The following OTUD7B variants were observed in gnomAD, a reference collection of about 807,000 sequenced individuals.
OTUD7B encodes OTU deubiquitinase 7B.
Under a neutral mutation model 82.2 loss-of-function variants are expected in OTUD7B, and 34 were observed. That is an observed-to-expected ratio of 0.41 (90% CI 0.31 to 0.55). The LOEUF (loss-of-function observed/expected upper bound fraction) is 0.55. Among genes scored for constraint, OTUD7B ranks in the 20% least tolerant of loss-of-function variants. OTUD7B has a pLI of 0.20. For synonymous variants in OTUD7B, 398 were observed against 402.7 expected (o/e 0.99, Z 0.14); for missense variants, 944 against 1,062.1 (o/e 0.89, Z 1.55).
the OTUD7B span, among the ~76,000 whole-genome samples, chr1:150,033,136 C>T: frequency 1.3e-5 from 2 of 152,096 alleles, no homozygotes; most frequent in African/African-American, 4.8e-5. Flanking sequence ...TTCTACATCT[C>T]TTTTCCTAAA....
intron 1 of OTUD7B, among the ~76,000 whole-genome samples, chr1:149,992,807 A>G (rs1651683146): frequency 6.6e-6 from 1 of 152,156 alleles, no homozygotes; most frequent in Non-Finnish European, 1.5e-5. Flanking sequence ...ACATAAAACC[A>G]AGAGAGAAAT....
At chr1:150,028,356 G>C in the OTUD7B span, among the ~76,000 whole-genome samples, 2 of 152,134 alleles carry the variant, frequency 1.3e-5, no homozygotes, top group East Asian at 3.9e-4. Flanking sequence ...CAAATTAAGA[G>C]AAAAGGCAAT....
chr1:150,057,768 T>C, the OTUD7B span, among the ~76,000 whole-genome samples: 1 of 152,234 alleles, frequency 6.6e-6, no homozygotes, highest in Admixed American at 6.5e-5. Context: ...CAGCATTCTG[T>C]TAGGATTTGT....
intron 1 of OTUD7B, among the ~76,000 whole-genome samples, chr1:150,009,604 T>C (rs1336676257): frequency 6.6e-6 from 1 of 152,108 alleles, no homozygotes; most frequent in East Asian, 1.9e-4. Flanking sequence ...ATTCCACCAG[T>C]CAGTTTCTAA....
upstream of OTUD7B, among the ~76,000 whole-genome samples, chr1:150,014,396 C>CAAA (rs149994819): frequency 9.4e-5 from 11 of 116,940 alleles, no homozygotes; most frequent in African/African-American, 2.0e-4. Context: ...GAAAGTGTCT[C>CAAA]AAAAAAAAAA....
the OTUD7B span, among the ~76,000 whole-genome samples, chr1:150,043,224 T>C: frequency 6.6e-6 from 1 of 152,134 alleles, no homozygotes; most frequent in Non-Finnish European, 1.5e-5. Context: ...CACGCTGAAG[T>C]TTGACAACTA....
Position 149,944,821 on chromosome 1 carries a change from C to T in OTUD7B, c.1568G>A (p.Gly523Asp), listed in dbSNP as rs1392745300. 1.2e-6 allele frequency: 2 copies of T among 1,614,132 alleles called. No individual in the cohort carries two copies. The highest frequency in any genetic ancestry group is 1.7e-6 in the Non-Finnish European group (2 of 1,180,026). Residue 523 changes from glycine (G) to aspartate (D), a missense_variant, in exon 12 of 12, where the codon GGC becomes GAC. Gly to Asp is a moderately conservative substitution (Grantham distance 94). This residue lies in a region of OTUD7B where 412 missense variants were observed against 418.7 expected (regional missense o/e 0.98). Coordinates refer to ENST00000581312, the MANE Select transcript of OTUD7B (RefSeq NM_020205.4). The stretch of plus-strand genomic sequence containing the variant: ...CTTTGAACCCTTGCTGTGCATCAGG[C>T]CCCCCATGTTCTTCTTGAGCTTGCT... ...LGSKLKKNMGGLMHSKGSKPG... is the reference protein window; with the variant it reads ...LGSKLKKNMGDLMHSKGSKPG...
At chr1:150,011,047 A>G (rs782351653), upstream of OTUD7B, among the ~76,000 whole-genome samples, 4 of 152,202 alleles carry the variant, frequency 2.6e-5, no homozygotes, top group African/African-American at 4.8e-5. Context: ...GTAGTTGTAG[A>G]AAGGTGAGAG....
At chr1:149,997,139 T>A (rs1171965721) in intron 1 of OTUD7B, among the ~76,000 whole-genome samples, 1 of 152,198 alleles carries the variant, frequency 6.6e-6, no homozygotes, top group African/African-American at 2.4e-5. Context: ...ATAACAAGTG[T>A]TAGCTGATTC....
chr1:149,949,807 A>G, intron 8 of OTUD7B, 29 bp from the exon 9 acceptor site: 2 of 1,604,378 alleles, frequency 1.2e-6, no homozygotes, highest in Non-Finnish European at 1.7e-6. Flanking sequence ...ATTATTATGA[A>G]GGCTGTGTTT....
At chr1:150,013,920 C>CAA (rs1207073066), upstream of OTUD7B, among the ~76,000 whole-genome samples, 1,317 of 54,500 alleles carry the variant, frequency 0.024, 106 homozygotes, top group African/African-American at 0.092. Context: ...GACTCTGTCT[C>CAA]AAAAAAAAAA....
the OTUD7B span, among the ~76,000 whole-genome samples, chr1:150,061,405 A>G: frequency 6.6e-6 from 1 of 152,148 alleles, no homozygotes; most frequent in East Asian, 1.9e-4. Flanking sequence ...TGAATATAGT[A>G]TTTTGTTATA....
Position 149,944,536 on chromosome 1 carries a change from C to T in OTUD7B, c.1853G>A (p.Gly618Asp). The change falls in exon 12 of 12, where the codon GGT (glycine) becomes GAT (aspartate). Residue 618 changes from glycine to aspartate, a missense_variant. By Grantham distance (94) the Gly-to-Asp change is moderately conservative (BLOSUM62 -1). This residue lies in a region of OTUD7B where 412 missense variants were observed against 418.7 expected (regional missense o/e 0.98). Coordinates refer to ENST00000581312, the MANE Select transcript of OTUD7B (RefSeq NM_020205.4). ...TTCCTCCTGATACTGGTGACGGTGA[C>T]CCATCTTCAGGGTTCCAACAAAAAT... is the stretch of plus-strand genomic sequence containing the variant. ...KFIFVGTLKM[G>D]HRHQYQEEMI... 6.2e-7 allele frequency: 1 copy of T among 1,614,086 alleles called. No homozygotes were observed. Among genetic ancestry groups the T allele is most frequent in the Non-Finnish European group, 8.5e-7 (1 of 1,180,022 alleles).
chr1:150,031,398 C>T, the OTUD7B span, among the ~76,000 whole-genome samples: 5 of 152,056 alleles, frequency 3.3e-5, no homozygotes, highest in Non-Finnish European at 7.4e-5. Flanking sequence ...TTTTTATTTC[C>T]TCAGGGTCTA....
intron 1 of OTUD7B, among the ~76,000 whole-genome samples, chr1:149,981,330 C>T (rs999598064): frequency 1.3e-5 from 2 of 152,194 alleles, no homozygotes; most frequent in Non-Finnish European, 2.9e-5. Context: ...ATAGTCTCCA[C>T]TTGGATACAA....
chr1:150,004,798 T>G (rs1553785741), intron 1 of OTUD7B, among the ~76,000 whole-genome samples: 1 of 152,068 alleles, frequency 6.6e-6, no homozygotes, highest in African/African-American at 2.4e-5. Flanking sequence ...AGCTCCAATA[T>G]GAAATGTTTT....
chr1:149,950,816 T>TA (rs1271682247), intron 7 of OTUD7B, among the ~76,000 whole-genome samples: 1 of 118,354 alleles, frequency 8.4e-6, no homozygotes, highest in Non-Finnish European at 1.7e-5. Flanking sequence ...TTTTTTGAGA[T>TA]AGAGTCTCGT....
intron 2 of OTUD7B, among the ~76,000 whole-genome samples, chr1:149,976,157 T>G (rs1427010881): frequency 6.6e-6 from 1 of 152,178 alleles, no homozygotes; most frequent in Admixed American, 6.5e-5. Context: ...TTGTCACACC[T>G]TGCTAAGGGC....
At chr1:150,012,844 G>A (rs1052333547), upstream of OTUD7B, among the ~76,000 whole-genome samples, 1 of 152,190 alleles carries the variant, frequency 6.6e-6, no homozygotes, top group African/African-American at 2.4e-5. Flanking sequence ...CTTGTCTTTG[G>A]TCAGCCCAGG....
Sources: allele counts gnomAD v4.1 joint callset (sites outside exome capture counted in the v4.1 genomes callset), GRCh38; gene constraint gnomAD v4.1.1; regional missense constraint gnomAD v4.1.1; transcripts MANE v1.5; gene names NCBI Gene and HGNC (gene_info 2026-07-23, HGNC 2026-07-21).